LRRC49: variants seen among roughly 807,000 people sequenced by gnomAD.
LRRC49 encodes the protein leucine rich repeat containing 49.
LRRC49 carries 50 observed loss-of-function variants against 83.3 expected under a neutral mutation model. The ratio of observed to expected loss-of-function variants is 0.60; its 90% CI spans 0.48 to 0.76. LRRC49 has a LOEUF of 0.76. Among genes scored for constraint, LRRC49 ranks in the 30% least tolerant of loss-of-function variants. The probability of loss-of-function intolerance (pLI) is 0.00; values close to 1 mark genes in which losing one functional copy is unlikely to be tolerated. For missense variants in LRRC49, 704 were observed against 809.1 expected (o/e 0.87, Z 1.58); for synonymous variants, 286 against 283.3 (o/e 1.01, Z -0.10).
At chr15:70,929,798 G>T (rs2035340778) in intron 7 of LRRC49, among the ~76,000 whole-genome samples, 1 of 152,160 alleles carries the variant, frequency 6.6e-6, no homozygotes, top group South Asian at 2.1e-4. Context: ...TCCATCTTAA[G>T]AAACTATTTT....
At chr15:71,032,964 C>T (rs867329225) in intron 14 of LRRC49, among the ~76,000 whole-genome samples, 31 of 152,254 alleles carry the variant, frequency 2.0e-4, no homozygotes, top group Middle Eastern at 3.4e-3. Context: ...GATAAGGATG[C>T]CCTCTCTCAC....
upstream of LRRC49, among the ~76,000 whole-genome samples, chr15:70,891,567 C>CTGTG (rs3220843): frequency 0.052 from 7,094 of 136,846 alleles, 229 homozygotes; most frequent in Non-Finnish European, 0.065. Flanking sequence ...GGACAAGACT[C>CTGTG]TGTGTGTGTG....
intron 1 of LRRC49, chr15:70,872,760 G>A: frequency 6.0e-6 from 1 of 166,884 alleles, no homozygotes; most frequent in Non-Finnish European, 1.3e-5. Context: ...TATCCACTGA[G>A]GAGAGTGATT....
At chr15:70,911,993 GT>G (rs2034568986) in intron 6 of LRRC49, among the ~76,000 whole-genome samples, 1 of 151,622 alleles carries the variant, frequency 6.6e-6, no homozygotes, top group Non-Finnish European at 1.5e-5. Flanking sequence ...TCCTTTTTGG[GT>G]TTTTCAGTTG....
chr15:70,892,114 G>C, upstream of LRRC49: 1 of 1,614,016 alleles, frequency 6.2e-7, no homozygotes. Context: ...GGTCAGAGCA[G>C]ATGACCGAGC....
At chr15:70,992,630 C>G (rs1387170139) in intron 11 of LRRC49, among the ~76,000 whole-genome samples, 1 of 152,198 alleles carries the variant, frequency 6.6e-6, no homozygotes, top group African/African-American at 2.4e-5. Flanking sequence ...GCAAATATTG[C>G]TGAACAGCAA....
intron 1 of LRRC49, chr15:70,854,170 C>A: frequency 9.5e-7 from 1 of 1,053,350 alleles, no homozygotes; most frequent in Non-Finnish European, 1.2e-6. Flanking sequence ...GACGAGGGGG[C>A]GGGGGCGGTG....
At chr15:71,022,359 C>T (rs1035875998) in intron 14 of LRRC49, among the ~76,000 whole-genome samples, 18 of 151,892 alleles carry the variant, frequency 1.2e-4, no homozygotes, top group South Asian at 8.3e-4. Context: ...GGTGACAGAG[C>T]GAGACCCTGT....
chr15:70,901,326 C>T (rs904011747), intron 4 of LRRC49, among the ~76,000 whole-genome samples: 1 of 152,164 alleles, frequency 6.6e-6, no homozygotes, highest in Non-Finnish European at 1.5e-5. Flanking sequence ...ATAATCCTCA[C>T]ATGAGCTTCC....
In LRRC49 at chr15:71,008,451, C is replaced by T. The variant is rs146593930; in HGVS notation, c.1242C>T (p.Asp414=). 1,496 of 1,612,790 alleles carry T rather than the reference C, an allele frequency of 9.3e-4. 24 individuals are homozygous for T. The East Asian group carries it at 0.028, about 31-fold the overall frequency. The change falls in exon 12 of 16, where the codon GAC becomes GAT. Residue 414 remains aspartate, a synonymous_variant. Coordinates refer to ENST00000260382, the MANE Select transcript of LRRC49 (RefSeq NM_017691.5). ...SVIDTYLVEV[D]GDTLSLYGSG... ...TAGACACATACCTTGTTGAAGTGGA[C>T]GGGGATACACTTTCCCTATATGGCT...
chr15:70,859,227 T>A (rs1021271752), intron 1 of LRRC49: 106 of 1,356,456 alleles, frequency 7.8e-5, no homozygotes, highest in Admixed American at 1.7e-4. Flanking sequence ...CAGGGGCTGG[T>A]GGAGGACTTC....
intron 8 of LRRC49, among the ~76,000 whole-genome samples, chr15:70,955,063 AG>A (rs1212798696): frequency 1.3e-5 from 2 of 150,628 alleles, no homozygotes; most frequent in Non-Finnish European, 3.0e-5. Flanking sequence ...TCGCTTCTGC[AG>A]GGGGAAACCA....
At chr15:71,022,214 A>C (rs1285411398) in intron 14 of LRRC49, among the ~76,000 whole-genome samples, 1 of 152,104 alleles carries the variant, frequency 6.6e-6, no homozygotes, top group Non-Finnish European at 1.5e-5. Flanking sequence ...CTCTACTAAA[A>C]ATACAAAAAT....
At chr15:70,986,829 G>C (rs1272328180) in intron 11 of LRRC49, among the ~76,000 whole-genome samples, 1 of 152,170 alleles carries the variant, frequency 6.6e-6, no homozygotes, top group Non-Finnish European at 1.5e-5. Flanking sequence ...AATTTATTGA[G>C]AGTTTTTAGC....
At chr15:70,859,899 A>T (rs2032746152) in intron 1 of LRRC49, 1 of 768,620 alleles carries the variant, frequency 1.3e-6, no homozygotes, top group Non-Finnish European at 2.4e-6. Flanking sequence ...AAGCTGCTGG[A>T]GGGTGAGGAG....
At chr15:70,972,579 T>G (rs750011017) in intron 9 of LRRC49, among the ~76,000 whole-genome samples, 28 of 152,186 alleles carry the variant, frequency 1.8e-4, no homozygotes, top group Non-Finnish European at 2.8e-4. Flanking sequence ...TGAAGTGTGT[T>G]TTCCAACTTG....
chr15:70,947,354 A>T (rs1270614512), intron 8 of LRRC49, among the ~76,000 whole-genome samples: 2 of 152,298 alleles, frequency 1.3e-5, no homozygotes, highest in Non-Finnish European at 2.9e-5. Context: ...AAGAACATTG[A>T]TTATGTATCT....
chr15:70,988,599 G>A (rs2037728980), intron 11 of LRRC49, among the ~76,000 whole-genome samples: 1 of 151,408 alleles, frequency 6.6e-6, no homozygotes, highest in South Asian at 2.1e-4. Context: ...CAGTTTGCCA[G>A]TCTGTGTCTT....
At chr15:70,862,182 C>A (rs2032804661) in intron 1 of LRRC49, among the ~76,000 whole-genome samples, 1 of 152,208 alleles carries the variant, frequency 6.6e-6, no homozygotes, top group Admixed American at 6.5e-5. Context: ...AGACACACAG[C>A]AGTCAATGCT....
Sources: gnomAD v4.1 joint callset for allele counts (sites outside exome capture counted in the v4.1 genomes callset) on GRCh38, gnomAD v4.1.1 for gene constraint, MANE v1.5 for transcripts, NCBI Gene and HGNC (gene_info 2026-07-23, HGNC 2026-07-21) for gene names.